Variants in AK5 observed in about 807,000 individuals in gnomAD.
The protein encoded by AK5 is adenylate kinase isoenzyme 5.
In AK5, 27 loss-of-function variants were observed where a neutral mutation model predicts 69.5. The ratio of observed to expected loss-of-function variants is 0.39; its 90% CI spans 0.29 to 0.54. The LOEUF is 0.54. Ranked by LOEUF, AK5 falls within the 20% of genes least tolerant of loss-of-function variation. The probability of loss-of-function intolerance (pLI) is 0.71; values close to 1 mark genes in which losing one functional copy is unlikely to be tolerated. For missense variants in AK5, 531 were observed against 700.4 expected (o/e 0.76, Z 2.73); for synonymous variants, 260 against 244.4 (o/e 1.06, Z -0.60).
intron 13 of AK5, among the ~76,000 whole-genome samples, chr1:77,547,204 TTTTA>T (rs1451674509): frequency 6.6e-6 from 1 of 152,114 alleles, no homozygotes; most frequent in Non-Finnish European, 1.5e-5. Flanking sequence ...TAACAATATA[TTTTA>T]TTTAACTATT....
intron 6 of AK5, among the ~76,000 whole-genome samples, chr1:77,367,936 AATATATATGT>A (rs1245854668): frequency 1.2e-4 from 6 of 48,600 alleles, no homozygotes; most frequent in Non-Finnish European, 2.6e-4. Flanking sequence ...TATTATATAT[AATATATATGT>A]TATATATATA....
chr1:77,467,132 T>C (rs1372383616), intron 8 of AK5, among the ~76,000 whole-genome samples: 1 of 152,220 alleles, frequency 6.6e-6, no homozygotes, highest in Non-Finnish European at 1.5e-5. Context: ...TCAAATTGCC[T>C]CTTTTATTCA....
chr1:77,353,422 G>A (rs1231540916), intron 6 of AK5, among the ~76,000 whole-genome samples: 2 of 152,226 alleles, frequency 1.3e-5, no homozygotes, highest in East Asian at 3.9e-4. Flanking sequence ...ATGTTGCAGT[G>A]AGCCAAAATC....
chr1:77,282,429 T>G (rs1204324095), intron 1 of AK5, 56 bp downstream of exon 1: 50 of 1,519,502 alleles, frequency 3.3e-5, no homozygotes, highest in Non-Finnish European at 4.4e-5. Flanking sequence ...TCTCAGGGGT[T>G]CGGGTTGAGG....
rs139582273 is a variant in AK5, at chr1:77,553,345, T to C, written c.1621-5257T>C. 1.3e-3 allele frequency among the ~76,000 whole-genome samples: 192 copies of C among 152,272 alleles called. 6 individuals are homozygous for C. Among genetic ancestry groups the C allele is most frequent in the African/African-American group, 4.5e-3 (186 of 41,540 alleles). ...AAGATGCTGCAAAATATCTACCACTTGGTGAGGACAAGAACGGGCCCTAGA... is the reference window on the plus strand; with the variant it reads ...AAGATGCTGCAAAATATCTACCACTCGGTGAGGACAAGAACGGGCCCTAGA... On this transcript the variant is annotated intron_variant, in intron 13 of 13. Coordinates refer to ENST00000354567, the MANE Select transcript of AK5 (RefSeq NM_174858.3).
rs548557924 is a variant in AK5 at position 77,335,313 on chromosome 1, G to A, written c.700-5064G>A. 2.7e-3 allele frequency among the ~76,000 whole-genome samples: 416 copies of A among 151,534 alleles called. 1 individual carries two copies. Among genetic ancestry groups the A allele is most frequent in the Non-Finnish European group, 4.7e-3 (319 of 67,930 alleles). On this transcript the variant is annotated intron_variant, in intron 5 of 13. Coordinates refer to ENST00000354567, the MANE Select transcript of AK5 (RefSeq NM_174858.3). ...AAAAAAGACTGAATTTGTTGATTCCGCAGGAGAAACAATATCAATAATTTG... is the reference window on the plus strand; with the variant it reads ...AAAAAAGACTGAATTTGTTGATTCCACAGGAGAAACAATATCAATAATTTG...
At chr1:77,473,391 T>C (rs943608648) in intron 8 of AK5, among the ~76,000 whole-genome samples, 1 of 151,980 alleles carries the variant, frequency 6.6e-6, no homozygotes, top group Non-Finnish European at 1.5e-5. Context: ...CCTCAGAAGC[T>C]TCTTTAGACA....
intron 10 of AK5, among the ~76,000 whole-genome samples, chr1:77,497,673 G>A (rs1055869035): frequency 2.0e-5 from 3 of 151,574 alleles, no homozygotes; most frequent in Admixed American, 6.6e-5. Context: ...CTGCAACCCC[G>A]ACTTCCCAAG....
At chr1:77,374,497 T>C (rs1325926742) in intron 6 of AK5, among the ~76,000 whole-genome samples, 2 of 151,898 alleles carry the variant, frequency 1.3e-5, no homozygotes, top group African/African-American at 4.8e-5. Context: ...AAATATGTTT[T>C]ATATTCCTGG....
chr1:77,383,463 T>G (rs1013386437), intron 6 of AK5, among the ~76,000 whole-genome samples: 1 of 152,114 alleles, frequency 6.6e-6, no homozygotes, highest in Non-Finnish European at 1.5e-5. Context: ...CTAGAAAATC[T>G]AGTAAAGTGA....
chr1:77,444,329 T>C (rs1445533502), intron 8 of AK5, among the ~76,000 whole-genome samples: 1 of 63,494 alleles, frequency 1.6e-5, no homozygotes, highest in Non-Finnish European at 2.9e-5. Context: ...TGTGTATATA[T>C]ATAGTATATA....
At chr1:77,312,581 C>A (rs2100296984) in intron 5 of AK5, among the ~76,000 whole-genome samples, 1 of 148,616 alleles carries the variant, frequency 6.7e-6, no homozygotes, top group African/African-American at 2.5e-5. Context: ...CATCACCACA[C>A]TCCAGCCTGG....
At chr1:77,300,899 T>A (rs1368992409) in intron 5 of AK5, among the ~76,000 whole-genome samples, 1 of 152,230 alleles carries the variant, frequency 6.6e-6, no homozygotes, top group African/African-American at 2.4e-5. Context: ...ATATTTTTTT[T>A]ATTATACTGC....
At position 77,282,234 on chromosome 1, in the gene AK5, G is replaced by C; in HGVS notation, c.-80G>C. 7.2e-7 allele frequency: 1 copy of C among 1,384,946 alleles called. No individual in the cohort carries two copies. The highest frequency in any genetic ancestry group is 9.8e-7 in the Non-Finnish European group (1 of 1,017,262). 85.8% of individuals were successfully genotyped at this position (1,384,946 alleles called of 1,614,324 possible). A position where few individuals can be genotyped will look rare whatever the true frequency, so the allele number is the denominator to read the frequency against. ...CCGCTGCTCGGCGCGGACTCTGCCA[G>C]CCCCAGCTTCAGCCCCGGCTCAGGT... On this transcript the variant is annotated 5_prime_UTR_variant, in exon 1 of 14. Transcript: ENST00000354567.
At chr1:77,300,658 C>T (rs536222085) in intron 5 of AK5, among the ~76,000 whole-genome samples, 1 of 152,284 alleles carries the variant, frequency 6.6e-6, no homozygotes, top group Non-Finnish European at 1.5e-5. Flanking sequence ...GAATTCAGTT[C>T]AACTTGGACA....
chr1:77,325,791 A>G (rs955482940), intron 5 of AK5, among the ~76,000 whole-genome samples: 2 of 151,842 alleles, frequency 1.3e-5, no homozygotes, highest in African/African-American at 4.8e-5. Flanking sequence ...GGCTCATAGC[A>G]AATGCTTAGT....
intron 5 of AK5, among the ~76,000 whole-genome samples, chr1:77,310,440 T>C (rs1041494664): frequency 6.6e-5 from 10 of 152,078 alleles, no homozygotes; most frequent in African/African-American, 2.4e-4. Flanking sequence ...AGTGCAGTGA[T>C]GCGATCTCGG....
At chr1:77,284,827 A>C (rs1658260299) in intron 1 of AK5, among the ~76,000 whole-genome samples, 1 of 152,206 alleles carries the variant, frequency 6.6e-6, no homozygotes, top group Admixed American at 6.5e-5. Context: ...GAAGGAATGG[A>C]GCTCATTGTC....
intron 6 of AK5, among the ~76,000 whole-genome samples, chr1:77,372,772 C>CGTGT (rs34235538): frequency 0.017 from 2,552 of 149,428 alleles, 34 homozygotes; most frequent in Middle Eastern, 0.028. Flanking sequence ...TGTGTGTGTG[C>CGTGT]GTGTGTGTGT....
Sources: allele counts gnomAD v4.1 joint callset (sites outside exome capture counted in the v4.1 genomes callset), GRCh38; gene constraint gnomAD v4.1.1; transcripts MANE v1.5; gene names NCBI Gene and HGNC (gene_info 2026-07-23, HGNC 2026-07-21).